Variants in TMEM244 observed in about 807,000 individuals in gnomAD.
The protein encoded by TMEM244 is transmembrane protein 244, also known as putative transmembrane protein 244.
TMEM244 carries 13 observed loss-of-function variants against 15.8 expected under a neutral mutation model. The observed-to-expected ratio is 0.82, with a 90% CI of 0.53 to 1.30. TMEM244 has a LOEUF of 1.30. Ranked by LOEUF, TMEM244 falls within the 50% of genes most tolerant of loss-of-function variation. The probability of loss-of-function intolerance (pLI) is 0.00; values close to 1 mark genes in which losing one functional copy is unlikely to be tolerated. For missense variants in TMEM244, 161 were observed against 144.9 expected, an observed-to-expected ratio of 1.11 and a Z score of -0.57; for synonymous variants, 45 against 48.7, an observed-to-expected ratio of 0.92 and a Z score of 0.32.
At position 129,855,376 on chromosome 6, in the gene TMEM244, A is replaced by T. The variant is rs149475511; in HGVS notation, c.33+5780T>A. On this transcript the variant is annotated intron_variant, in intron 1 of 4. Coordinates refer to ENST00000368143, the MANE Select transcript of TMEM244 (RefSeq NM_001010876.2). ...CGGGGTATAGTGTCAAGCTAATGTG[A>T]CATTATAACACTTTTATTTCTCAAT... Among the ~76,000 whole-genome samples the T allele has an allele frequency of 3.5e-3, 532 of 152,268 alleles. 1 individual carries two copies. The highest frequency in any genetic ancestry group is 0.012 in the African/African-American group (494 of 41,544).
chr6:129,856,661 C>T (rs1776714595), intron 1 of TMEM244, among the ~76,000 whole-genome samples: 2 of 151,946 alleles, frequency 1.3e-5, no homozygotes, highest in African/African-American at 4.8e-5. Flanking sequence ...CTCAATAAAG[C>T]TGCTTTAAAA....
intron 1 of TMEM244, 48 bp downstream of exon 1, chr6:129,861,108 T>A: frequency 6.2e-7 from 1 of 1,607,738 alleles, no homozygotes; most frequent in Middle Eastern, 1.7e-4. Flanking sequence ...TTTACACCAG[T>A]GCTAGGCAGC....
chr6:129,844,279 G>T (rs1001732095), intron 2 of TMEM244, among the ~76,000 whole-genome samples: 1 of 152,136 alleles, frequency 6.6e-6, no homozygotes, highest in Middle Eastern at 3.2e-3. Context: ...CCACCAAGTG[G>T]ACTTAATTTT....
At chr6:129,854,504 G>A (rs1776678661) in intron 1 of TMEM244, among the ~76,000 whole-genome samples, 1 of 152,126 alleles carries the variant, frequency 6.6e-6, no homozygotes, top group East Asian at 1.9e-4. Flanking sequence ...ATTAGAACAA[G>A]CAAGTATACC....
chr6:129,860,792 A>G (rs1191283227), intron 1 of TMEM244, among the ~76,000 whole-genome samples: 1 of 151,876 alleles, frequency 6.6e-6, no homozygotes, highest in Non-Finnish European at 1.5e-5. Flanking sequence ...TAGAAGTTAC[A>G]AAAATAAAAG....
chr6:129,832,015 C>CATTCTCTAATA (rs1394561848), intron 4 of TMEM244, among the ~76,000 whole-genome samples: 1 of 151,494 alleles, frequency 6.6e-6, no homozygotes, highest in African/African-American at 2.4e-5. Context: ...AATATACAGG[C>CATTCTCTAATA]ATTCTCTAAT....
intron 1 of TMEM244, among the ~76,000 whole-genome samples, chr6:129,852,682 G>A (rs1433102308): frequency 1.3e-5 from 2 of 152,284 alleles, no homozygotes; most frequent in East Asian, 3.9e-4. Context: ...CTGGCAAGGA[G>A]AAACACACCT....
chr6:129,855,873 A>T (rs1226832945), intron 1 of TMEM244, among the ~76,000 whole-genome samples: 2 of 152,086 alleles, frequency 1.3e-5, no homozygotes, highest in African/African-American at 4.8e-5. Context: ...CTGTGGGGTG[A>T]CACTTGAGAC....
At chr6:129,851,220 C>G (rs1326237999) in intron 1 of TMEM244, among the ~76,000 whole-genome samples, 4 of 152,038 alleles carry the variant, frequency 2.6e-5, no homozygotes, top group Admixed American at 1.3e-4. Context: ...CCTGTGCTGT[C>G]CTGCCTCGCC....
At chr6:129,853,860 AC>A (rs1432940331) in intron 1 of TMEM244, among the ~76,000 whole-genome samples, 1 of 152,170 alleles carries the variant, frequency 6.6e-6, no homozygotes. Context: ...GAGCCTGAGT[AC>A]TTCAGCAGTG....
At chr6:129,854,307 T>C (rs1274489975) in intron 1 of TMEM244, among the ~76,000 whole-genome samples, 1 of 152,148 alleles carries the variant, frequency 6.6e-6, no homozygotes, top group African/African-American at 2.4e-5. Context: ...GAGAATCAGT[T>C]ATGATTGGTC....
rs1776802921 is a variant in TMEM244 at position 129,861,155 on chromosome 6, C to A, written c.33+1G>T. 2.5e-6 allele frequency: 4 copies of A among 1,613,768 alleles called. No homozygotes were observed. Among genetic ancestry groups the A allele is most frequent in the Middle Eastern group, 1.7e-4 (1 of 6,060 alleles). On this transcript the variant is annotated splice_donor_variant, in intron 1 of 4. Coordinates refer to ENST00000368143, the MANE Select transcript of TMEM244 (RefSeq NM_001010876.2). LOFTEE classifies it high-confidence loss of function. Reference sequence around the variant, plus strand: ...AATGCAAAGAAGTAATTTCTCTTTACCTTGCTTGGAGCAACTCTGACCTGG... The same window carrying A: ...AATGCAAAGAAGTAATTTCTCTTTAACTTGCTTGGAGCAACTCTGACCTGG...
intron 1 of TMEM244, among the ~76,000 whole-genome samples, chr6:129,852,776 C>T (rs1293228498): frequency 6.6e-6 from 1 of 152,110 alleles, no homozygotes; most frequent in Non-Finnish European, 1.5e-5. Context: ...CTCCCTGGTG[C>T]CAGCCACAAA....
intron 1 of TMEM244, among the ~76,000 whole-genome samples, chr6:129,856,402 G>A (rs548258310): frequency 1.2e-4 from 19 of 152,242 alleles, no homozygotes; most frequent in African/African-American, 4.6e-4. Context: ...TTTATAGTAT[G>A]TTTTAATATC....
At chr6:129,838,029 C>T (rs1030143199) in intron 3 of TMEM244, among the ~76,000 whole-genome samples, 1 of 152,318 alleles carries the variant, frequency 6.6e-6, no homozygotes, top group East Asian at 1.9e-4. Flanking sequence ...AGAAGGTTAA[C>T]AAGGATATCC....
chr6:129,860,127 G>A (rs949169330), intron 1 of TMEM244, among the ~76,000 whole-genome samples: 3 of 145,266 alleles, frequency 2.1e-5, no homozygotes, highest in Non-Finnish European at 4.6e-5. Flanking sequence ...GTGTGTGTGT[G>A]TGTGTGTGTG....
intron 1 of TMEM244, among the ~76,000 whole-genome samples, chr6:129,857,314 G>GTA (rs1776726515): frequency 1.9e-5 from 2 of 106,608 alleles, no homozygotes; most frequent in South Asian, 3.4e-4. Context: ...TTATATGTGT[G>GTA]TATACACACA....
At chr6:129,851,134 A>T (rs1454781056) in intron 1 of TMEM244, among the ~76,000 whole-genome samples, 2 of 152,172 alleles carry the variant, frequency 1.3e-5, no homozygotes, top group African/African-American at 2.4e-5. Flanking sequence ...AAGAGAGATT[A>T]AGGAACTAAT....
At chr6:129,856,007 A>G (rs1178262180) in intron 1 of TMEM244, among the ~76,000 whole-genome samples, 1 of 152,136 alleles carries the variant, frequency 6.6e-6, no homozygotes, top group Non-Finnish European at 1.5e-5. Context: ...TCTACATTTC[A>G]GTAGATATTC....
Sources: allele counts gnomAD v4.1 joint callset (sites outside exome capture counted in the v4.1 genomes callset), GRCh38; gene constraint gnomAD v4.1.1; transcripts MANE v1.5; gene names NCBI Gene and HGNC (gene_info 2026-07-23, HGNC 2026-07-21).